The following SLC14A2 variants were observed in gnomAD, a reference collection of about 807,000 sequenced individuals.
SLC14A2 encodes the protein urea transporter 2.
In SLC14A2, 91 loss-of-function variants were observed where a neutral mutation model predicts 104.6. That is an observed-to-expected ratio of 0.87 (90% CI 0.73 to 1.04). The LOEUF is 1.04. SLC14A2 is among the 50% of genes least tolerant of loss of function. The pLI is 0.00. For missense variants in SLC14A2, 1,189 were observed against 1,156.0 expected (o/e 1.03, Z -0.41); for synonymous variants, 476 against 466.4 (o/e 1.02, Z -0.27).
At chr18:45,625,593 A>T in intron 2 of SLC14A2, 90 bp from the exon 3 acceptor site, 1 of 1,064,864 alleles carries the variant, frequency 9.4e-7, no homozygotes, top group Non-Finnish European at 1.3e-6. Flanking sequence ...CTTTATTTTT[A>T]TCAAAAAACC....
At chr18:45,359,856 G>C (rs564031057) in intron 1 of SLC14A2, among the ~76,000 whole-genome samples, 2 of 152,230 alleles carry the variant, frequency 1.3e-5, no homozygotes, top group South Asian at 2.1e-4. Context: ...AAATGATAGG[G>C]GCTCAGCTTT....
intron 1 of SLC14A2, among the ~76,000 whole-genome samples, chr18:45,442,302 G>T (rs1036399511): frequency 2.6e-5 from 4 of 152,204 alleles, no homozygotes; most frequent in African/African-American, 9.6e-5. Flanking sequence ...TTAAATAACA[G>T]AAATTTATTG....
In SLC14A2 at chr18:45,578,460, G is replaced by C. The variant is rs73423715; in HGVS notation, c.-34-46171G>C. Among the ~76,000 whole-genome samples, 472 of 152,276 alleles carry C rather than the reference G, an allele frequency of 3.1e-3. 4 individuals are homozygous for C. The highest frequency in any genetic ancestry group is 9.2e-3 in the African/African-American group (383 of 41,540). On this transcript the variant is annotated intron_variant, in intron 2 of 20. Transcript: ENST00000586448. ...TATATTTTGGGAGTGGTTGACTGGT[G>C]GTATAAATGTAGTGTTGTCGAACTG...
At chr18:45,654,750 C>G (rs1038921075) in intron 10 of SLC14A2, among the ~76,000 whole-genome samples, 13 of 152,134 alleles carry the variant, frequency 8.5e-5, no homozygotes, top group African/African-American at 3.1e-4. Context: ...AACTCATAAC[C>G]CTGAGTACTT....
chr18:45,474,376 A>G (rs1257447505), intron 1 of SLC14A2, among the ~76,000 whole-genome samples: 1 of 152,078 alleles, frequency 6.6e-6, no homozygotes, highest in East Asian at 1.9e-4. Flanking sequence ...TGGTATCAGG[A>G]TGATGTTGGC....
At chr18:45,330,638 C>T (rs2085280589) in intron 1 of SLC14A2, among the ~76,000 whole-genome samples, 1 of 152,198 alleles carries the variant, frequency 6.6e-6, no homozygotes, top group South Asian at 2.1e-4. Flanking sequence ...TTTTTCAGCT[C>T]TGCATGCAGA....
chr18:45,524,621 C>T (rs2043565181), intron 2 of SLC14A2, among the ~76,000 whole-genome samples: 1 of 152,190 alleles, frequency 6.6e-6, no homozygotes, highest in South Asian at 2.1e-4. Context: ...ATGACACATA[C>T]ACATGAAACT....
At chr18:45,580,266 G>C (rs2044471027) in intron 2 of SLC14A2, among the ~76,000 whole-genome samples, 1 of 152,198 alleles carries the variant, frequency 6.6e-6, no homozygotes, top group African/African-American at 2.4e-5. Flanking sequence ...TGATGAACAT[G>C]ATTGCATGTA....
chr18:45,541,677 T>C (rs1328689536), intron 2 of SLC14A2, among the ~76,000 whole-genome samples: 1 of 152,214 alleles, frequency 6.6e-6, no homozygotes, highest in Non-Finnish European at 1.5e-5. Flanking sequence ...TGCTGGACAT[T>C]AGACATTCAA....
At chr18:45,529,270 T>C (rs1276295792) in intron 2 of SLC14A2, 2 of 152,134 alleles carry the variant, frequency 1.3e-5, no homozygotes, top group Non-Finnish European at 2.9e-5. Flanking sequence ...GCAGAAAAAA[T>C]ACTGTTTTAA....
intron 1 of SLC14A2, among the ~76,000 whole-genome samples, chr18:45,419,549 G>A (rs556665840): frequency 2.5e-4 from 38 of 152,264 alleles, no homozygotes; most frequent in South Asian, 6.2e-4. Context: ...TGAGGCAGGC[G>A]GATCACCTGA....
intron 4 of SLC14A2, among the ~76,000 whole-genome samples, chr18:45,629,495 A>T (rs2045311995): frequency 6.6e-6 from 1 of 152,046 alleles, no homozygotes; most frequent in African/African-American, 2.4e-5. Flanking sequence ...CTGCTTCATC[A>T]TTGTGTGCTG....
Position 45,330,417 on chromosome 18 carries a change from G to A in SLC14A2, c.-125+117226G>A, listed in dbSNP as rs185141507. ...TTGAGGTTGCATTTCAGAGCACACG[G>A]CCTTCTGATGGGAGGCTGGGAAAAC... On this transcript the variant is annotated intron_variant, in intron 1 of 20. Transcript: ENST00000586448. 2.0e-5 allele frequency among the ~76,000 whole-genome samples: 3 copies of A among 152,322 alleles called. No homozygotes were observed. In the East Asian group the frequency reaches 5.8e-4, roughly 29 times the overall value.
At chr18:45,336,573 C>T (rs997699589) in intron 1 of SLC14A2, among the ~76,000 whole-genome samples, 12 of 152,216 alleles carry the variant, frequency 7.9e-5, no homozygotes, top group Admixed American at 1.3e-4. Context: ...CTGGATCTTG[C>T]CTCTGTCCCC....
chr18:45,566,360 C>T (rs1190105294), intron 2 of SLC14A2, among the ~76,000 whole-genome samples: 1 of 152,170 alleles, frequency 6.6e-6, no homozygotes, highest in Non-Finnish European at 1.5e-5. Flanking sequence ...ATACTGCCTT[C>T]AATGGAAGAA....
Position 45,618,700 on chromosome 18 carries a change from A to T in SLC14A2, c.-35+3118A>T, listed in dbSNP as rs375228101. Among the ~76,000 whole-genome samples, 27 of 141,136 alleles carry T rather than the reference A, an allele frequency of 1.9e-4. 1 individual carries two copies. In the South Asian group the frequency reaches 2.1e-3, roughly 11 times the overall value. 92.6% of individuals were successfully genotyped at this position (141,136 alleles called of 152,430 possible). The stretch of plus-strand genomic sequence containing the variant: ...AAAAAAAAAAAAAAAAAAAAAAAAG[A>T]AGTAGTAAATGGGGCCATTTGAGAT... On this transcript the variant is annotated intron_variant, in intron 1 of 19. Coordinates refer to ENST00000255226, the MANE Select transcript of SLC14A2 (RefSeq NM_007163.4).
chr18:45,322,598 C>A (rs561771160), intron 1 of SLC14A2, among the ~76,000 whole-genome samples: 1 of 152,366 alleles, frequency 6.6e-6, no homozygotes, highest in African/African-American at 2.4e-5. Flanking sequence ...ATTTCCTGAT[C>A]TACCACCTCC....
intron 1 of SLC14A2, among the ~76,000 whole-genome samples, chr18:45,385,537 G>A (rs984055454): frequency 2.0e-5 from 3 of 152,136 alleles, no homozygotes; most frequent in African/African-American, 7.2e-5. Context: ...TAGAGGGAGA[G>A]TAGGAGATTA....
At chr18:45,409,090 C>T (rs1055526383) in intron 1 of SLC14A2, among the ~76,000 whole-genome samples, 2 of 152,122 alleles carry the variant, frequency 1.3e-5, no homozygotes, top group African/African-American at 4.8e-5. Flanking sequence ...TTGCAGCCCC[C>T]CAAGGAGAAG....
Sources: allele counts gnomAD v4.1 joint callset (sites outside exome capture counted in the v4.1 genomes callset), GRCh38; gene constraint gnomAD v4.1.1; transcripts MANE v1.5; gene names NCBI Gene and HGNC (gene_info 2026-07-23, HGNC 2026-07-21).